The following PADI3 variants were observed in gnomAD, a reference collection of about 807,000 sequenced individuals.
PADI3 encodes peptidyl arginine deiminase 3.
In PADI3, 53 loss-of-function variants were observed where a neutral mutation model predicts 71.5. The observed-to-expected ratio is 0.74, with a 90% CI of 0.59 to 0.93. The LOEUF (loss-of-function observed/expected upper bound fraction) is 0.93, where lower values mean the gene tolerates loss of function less well. Among genes scored for constraint, PADI3 ranks in the 40% least tolerant of loss-of-function variants. PADI3 has a pLI of 0.00. For synonymous variants in PADI3, 361 were observed against 347.5 expected, an observed-to-expected ratio of 1.04 and a Z score of -0.43; for missense variants, 821 against 868.0, an observed-to-expected ratio of 0.95 and a Z score of 0.68.
chr1:17,252,395 T>C (rs2072976739), intron 1 of PADI3, among the ~76,000 whole-genome samples: 1 of 61,046 alleles, frequency 1.6e-5, no homozygotes, highest in South Asian at 9.0e-4. Flanking sequence ...CTTTCTTTTC[T>C]TCTTCTTTTT....
At chr1:17,282,496 C>T (rs1251512629) in intron 15 of PADI3, among the ~76,000 whole-genome samples, 1 of 152,164 alleles carries the variant, frequency 6.6e-6, no homozygotes, top group Non-Finnish European at 1.5e-5. Flanking sequence ...GGGAGAGGGA[C>T]TCTGATTGGT....
Position 17,282,900 on chromosome 1 carries a change from A to T in PADI3, c.1816A>T (p.Ile606Phe). Residue 606 changes from isoleucine to phenylalanine, a missense_variant, in exon 16 of 16, where the codon ATC (isoleucine) becomes TTC (phenylalanine). Ile to Phe is a conservative substitution (Grantham distance 21, BLOSUM62 0). Transcript: ENST00000375460. ...GGGCATCCCCAAGCCCTTTGGGCCCATCATCAATGGCTGCTGCTGCCTGGA... is the reference window on the plus strand; with the variant it reads ...GGGCATCCCCAAGCCCTTTGGGCCCTTCATCAATGGCTGCTGCTGCCTGGA... ...HLGIPKPFGPIINGCCCLEEK... is the reference protein window; with the variant it reads ...HLGIPKPFGPFINGCCCLEEK... 1 of 1,614,088 alleles carries T rather than the reference A, an allele frequency of 6.2e-7. No individual in the cohort carries two copies. Among genetic ancestry groups the T allele is most frequent in the South Asian group, 1.1e-5 (1 of 91,078 alleles).
At chr1:17,258,667 T>C (rs1168604073) in intron 1 of PADI3, among the ~76,000 whole-genome samples, 2 of 152,230 alleles carry the variant, frequency 1.3e-5, no homozygotes, top group Non-Finnish European at 2.9e-5. Flanking sequence ...TCCTTGAGCC[T>C]CAGTTGCTAA....
intron 2 of PADI3, 65 bp downstream of exon 2, chr1:17,259,823 G>A: frequency 7.1e-7 from 1 of 1,399,218 alleles, no homozygotes; most frequent in South Asian, 1.4e-5. Context: ...CTCTAGGAGG[G>A]CCCAACATTC....
intron 9 of PADI3, among the ~76,000 whole-genome samples, chr1:17,271,432 G>C (rs1218101461): frequency 6.6e-6 from 1 of 152,192 alleles, no homozygotes; most frequent in Non-Finnish European, 1.5e-5. Flanking sequence ...GCACAGGTGT[G>C]AGACACACAC....
chr1:17,268,429 A>G (rs1167816920), intron 6 of PADI3, among the ~76,000 whole-genome samples: 1 of 151,860 alleles, frequency 6.6e-6, no homozygotes, highest in African/African-American at 2.4e-5. Context: ...GTCTGCCAAA[A>G]TCACAAGAAA....
In PADI3 at chr1:17,283,065, A is replaced by G. The variant is rs61731901; in HGVS notation, c.1981A>G (p.Asn661Asp). The G allele has an allele frequency of 6.2e-7, 1 of 1,613,808 alleles. No individual in the cohort carries two copies. Among genetic ancestry groups the G allele is most frequent in the East Asian group, 2.2e-5 (1 of 44,888 alleles). The stretch of plus-strand genomic sequence containing the variant: ...AAAGCCCTTCTCTTTCAAGTGGTGG[A>G]ACATGGTGCCCTGAGACAGCTCCCA... ...CRKPFSFKWW[N>D]MVP The change falls in exon 16 of 16, where the codon AAC becomes GAC. Residue 661 changes from asparagine to aspartate, a missense_variant. Transcript: ENST00000375460.
At chr1:17,273,901 T>C (rs1180871129) in intron 10 of PADI3, among the ~76,000 whole-genome samples, 1 of 152,100 alleles carries the variant, frequency 6.6e-6, no homozygotes, top group Non-Finnish European at 1.5e-5. Flanking sequence ...AAAAATGACA[T>C]TTTGGCCCTG....
chr1:17,266,880 G>A lies in PADI3; in HGVS notation c.526+44G>A, dbSNP rs1336402362. ...GAGTCCCTGGGTGTCCAGGGTCACT[G>A]CTCAGTTACCCCATGGGAGTTCCAA... On this transcript the variant is annotated intron_variant, in intron 5 of 15. Coordinates refer to ENST00000375460, the MANE Select transcript of PADI3 (RefSeq NM_016233.2). 2.8e-6 allele frequency: 4 copies of A among 1,438,054 alleles called. No individual in the cohort carries two copies. In the South Asian group the frequency reaches 3.4e-5, roughly 12 times the overall value. The allele number at this position is 1,438,054 out of a possible 1,614,324, so 89.1% of individuals were successfully genotyped here.
intron 15 of PADI3, among the ~76,000 whole-genome samples, chr1:17,281,434 C>CT (rs1275607447): frequency 7.1e-5 from 2 of 28,302 alleles, no homozygotes; most frequent in Non-Finnish European, 8.8e-5. Context: ...GCTTGTAAAT[C>CT]TTTTTTTCTT....
chr1:17,262,113 C>T lies in PADI3; in HGVS notation c.274-20C>T. 6.2e-7 allele frequency: 1 copy of T among 1,611,430 alleles called. No homozygotes were observed. Among genetic ancestry groups the T allele is most frequent in the Non-Finnish European group, 8.5e-7 (1 of 1,178,460 alleles). ...GCTCTTGGCTTCTGCTGGTATTACT[C>T]TGCGCCCAACTCTCCACAGGTTCAG... On this transcript the variant is annotated intron_variant, in intron 2 of 15. Coordinates refer to ENST00000375460, the MANE Select transcript of PADI3 (RefSeq NM_016233.2).
Position 17,280,432 on chromosome 1 carries a change from A to T in PADI3, c.1635+3A>T, listed in dbSNP as rs1224096289. The T allele has an allele frequency of 5.6e-6, 9 of 1,612,356 alleles. No homozygotes were observed. Among genetic ancestry groups the T allele is most frequent in the Non-Finnish European group, 6.8e-6 (8 of 1,178,432 alleles). ...TCAACTACAATAAGTTTGTGCAGGT[A>T]CAAGGGCTGTGGTGTACCTGTGGGC... On this transcript the variant is annotated splice_donor_region_variant and intron_variant, in intron 14 of 15. Coordinates refer to ENST00000375460, the MANE Select transcript of PADI3 (RefSeq NM_016233.2).
At chr1:17,262,070 C>T in intron 2 of PADI3, 63 bp from the exon 3 acceptor site, 2 of 1,446,618 alleles carry the variant, frequency 1.4e-6, no homozygotes, top group Non-Finnish European at 1.9e-6. Flanking sequence ...TCCCCGAGAG[C>T]TATCTTTTGG....
At chr1:17,261,746 A>G (rs777733525) in intron 2 of PADI3, among the ~76,000 whole-genome samples, 6 of 152,250 alleles carry the variant, frequency 3.9e-5, no homozygotes, top group Non-Finnish European at 7.3e-5. Flanking sequence ...TAGAGTACCC[A>G]GAGGTGCCGG....
intron 1 of PADI3, among the ~76,000 whole-genome samples, chr1:17,251,174 C>T (rs1292850134): frequency 6.6e-6 from 1 of 152,218 alleles, no homozygotes. Context: ...CAGGGGAGAA[C>T]AAGCAGCTCC....
At position 17,282,929 on chromosome 1, in the gene PADI3, G is replaced by A; in HGVS notation, c.1845G>A (p.Glu615=). 3 of 1,614,166 alleles carry A rather than the reference G, an allele frequency of 1.9e-6. No homozygotes were observed. The highest frequency in any genetic ancestry group is 2.5e-6 in the Non-Finnish European group (3 of 1,180,010). Residue 615 remains glutamate, a synonymous_variant, in exon 16 of 16, where the codon GAG becomes GAA. Coordinates refer to ENST00000375460, the MANE Select transcript of PADI3 (RefSeq NM_016233.2). ...PIINGCCCLE[E]KVRSLLEPLG... ...TCAATGGCTGCTGCTGCCTGGAGGA[G>A]AAGGTGCGGTCCCTGCTGGAGCCGC...
rs987382687 is a variant in PADI3, at chr1:17,254,195, C to T, written c.92+4966C>T. ...CTGATTCTATTGATGAGGCTGGCAG[C>T]GTCGGCGGATCTGGGATCCTCGCTG... On this transcript the variant is annotated intron_variant, in intron 1 of 15. Transcript: ENST00000375460. Among the ~76,000 whole-genome samples, 6 of 152,176 alleles carry T rather than the reference C, an allele frequency of 3.9e-5. No homozygotes were observed. The East Asian group carries it at 1.2e-3, about 29-fold the overall frequency.
At chr1:17,278,575 T>A (rs1256644630) in intron 13 of PADI3, among the ~76,000 whole-genome samples, 1 of 151,986 alleles carries the variant, frequency 6.6e-6, no homozygotes, top group Non-Finnish European at 1.5e-5. Flanking sequence ...CTGGAAGAAT[T>A]TTGAGAGAGA....
intron 1 of PADI3, among the ~76,000 whole-genome samples, chr1:17,255,705 C>G (rs959081300): frequency 6.6e-6 from 1 of 152,226 alleles, no homozygotes; most frequent in Non-Finnish European, 1.5e-5. Context: ...ACCTTCTAGT[C>G]ACTTATCTTC....
Sources: allele counts gnomAD v4.1 joint callset (sites outside exome capture counted in the v4.1 genomes callset), GRCh38; gene constraint gnomAD v4.1.1; transcripts MANE v1.5; gene names NCBI Gene and HGNC (gene_info 2026-07-23, HGNC 2026-07-21).